The following PAK3 variants were observed in gnomAD, a reference collection of about 807,000 sequenced individuals.
The protein encoded by PAK3 is p21 (RAC1) activated kinase 3.
In PAK3, 4 loss-of-function variants were observed where a neutral mutation model predicts 41.0. The ratio of observed to expected loss-of-function variants is 0.10; its 90% confidence interval spans 0.05 to 0.22. The LOEUF is 0.22. Ranked by LOEUF, PAK3 falls within the 10% of genes least tolerant of loss-of-function variation. PAK3 has a pLI of 1.00. For synonymous variants in PAK3, 146 were observed against 139.6 expected (o/e 1.05, Z -0.32); for missense variants, 205 against 409.9 (o/e 0.50, Z 4.32).
At chrX:110,958,969 C>T (rs2090923506) in intron 1 of PAK3, among the ~76,000 whole-genome samples, 2 of 112,155 alleles carry the variant, frequency 1.8e-5, no homozygotes, top group Admixed American at 9.4e-5. Flanking sequence ...GTGACGCACT[C>T]AATGATATAT....
At chrX:111,084,535 T>A (rs1362014396) in intron 1 of PAK3, among the ~76,000 whole-genome samples, 8 of 112,607 alleles carry the variant, frequency 7.1e-5, no homozygotes, top group African/African-American at 2.6e-4. Flanking sequence ...ATTTTCATAT[T>A]CCACCCTCAG....
chrX:111,216,295 C>A, intron 16 of PAK3, 126 bp from the exon 17 acceptor site: 1 of 517,416 alleles, frequency 1.9e-6, no homozygotes. Flanking sequence ...ATATATGTGT[C>A]ATTCTCTAAA....
chrX:111,202,816 CTT>C (rs916895404), intron 16 of PAK3, among the ~76,000 whole-genome samples: 2 of 112,040 alleles, frequency 1.8e-5, no homozygotes, highest in African/African-American at 6.5e-5. Flanking sequence ...CTACTAGACT[CTT>C]TGAAACACCT....
intron 1 of PAK3, among the ~76,000 whole-genome samples, chrX:111,072,660 T>C (rs2092754470): frequency 8.9e-6 from 1 of 112,377 alleles, no homozygotes; most frequent in Admixed American, 9.4e-5. Flanking sequence ...CTTGAGATAA[T>C]CTGCAGAAGG....
At chrX:111,198,337 C>T (rs2149338007) in intron 16 of PAK3, among the ~76,000 whole-genome samples, 1 of 112,589 alleles carries the variant, frequency 8.9e-6, no homozygotes, top group East Asian at 2.8e-4. Flanking sequence ...AAATGAAGTT[C>T]CATGTGTCAA....
intron 1 of PAK3, among the ~76,000 whole-genome samples, chrX:111,011,246 G>A (rs1438002067): frequency 2.7e-5 from 3 of 111,337 alleles, no homozygotes; most frequent in African/African-American, 6.5e-5. Context: ...CTGATTCCTC[G>A]AAATGAAGGC....
intron 1 of PAK3, among the ~76,000 whole-genome samples, chrX:111,064,669 A>G (rs762408274): frequency 3.6e-5 from 4 of 112,518 alleles, no homozygotes; most frequent in Non-Finnish European, 7.5e-5. Flanking sequence ...GTGTATATGT[A>G]TCACATTTTC....
At chrX:111,173,404 G>A (rs763631372) in intron 11 of PAK3, among the ~76,000 whole-genome samples, 137 of 111,176 alleles carry the variant, frequency 1.2e-3, no homozygotes, top group Non-Finnish European at 2.1e-3. Flanking sequence ...TCTAGCTTAC[G>A]TAAAAACCCC....
chrX:111,116,531 T>C (rs1304628907), intron 4 of PAK3, among the ~76,000 whole-genome samples: 2 of 112,132 alleles, frequency 1.8e-5, no homozygotes, highest in Non-Finnish European at 3.8e-5. Context: ...ATAACTATAC[T>C]TAAGAAAAAG....
intron 6 of PAK3, among the ~76,000 whole-genome samples, chrX:111,144,425 C>T (rs2093915974): frequency 1.8e-5 from 2 of 111,363 alleles, no homozygotes; most frequent in Admixed American, 9.6e-5. Context: ...CTTTTTTAAC[C>T]TGTGATTTAC....
At chrX:111,059,658 T>C (rs1049488888) in intron 1 of PAK3, among the ~76,000 whole-genome samples, 2 of 111,947 alleles carry the variant, frequency 1.8e-5, no homozygotes, top group Non-Finnish European at 3.8e-5. Flanking sequence ...TTGCACTCCT[T>C]TGCTTAAAGT....
intron 1 of PAK3, among the ~76,000 whole-genome samples, chrX:110,958,209 G>C (rs997337610): frequency 8.9e-6 from 1 of 112,184 alleles, no homozygotes; most frequent in Admixed American, 9.5e-5. Context: ...CCGGGAGAAA[G>C]TGATGCTCAA....
chrX:111,177,012 TACTTAA>T (rs2094413708), intron 11 of PAK3, among the ~76,000 whole-genome samples: 1 of 109,648 alleles, frequency 9.1e-6, no homozygotes, highest in Non-Finnish European at 1.9e-5. Context: ...ACTTTCTTTT[TACTTAA>T]ATGGCTTTCA....
chrX:111,068,647 C>T (rs1223995448), intron 1 of PAK3, among the ~76,000 whole-genome samples: 2 of 112,230 alleles, frequency 1.8e-5, no homozygotes, highest in Non-Finnish European at 3.8e-5. Flanking sequence ...AACACCTGGA[C>T]TTGATAGCTT....
At chrX:110,993,072 C>T (rs776305533) in intron 1 of PAK3, among the ~76,000 whole-genome samples, 9 of 111,602 alleles carry the variant, frequency 8.1e-5, no homozygotes, top group Admixed American at 7.6e-4. Flanking sequence ...GAACAGGAGA[C>T]GGCAGGAGTG....
At chrX:111,201,322 T>C (rs2094680886) in intron 16 of PAK3, among the ~76,000 whole-genome samples, 1 of 112,063 alleles carries the variant, frequency 8.9e-6, no homozygotes, top group African/African-American at 3.2e-5. Flanking sequence ...ATCTTTAAAA[T>C]GTAGTCGCTG....
At chrX:111,158,243 T>G (rs756388259) in intron 8 of PAK3, among the ~76,000 whole-genome samples, 1 of 112,136 alleles carries the variant, frequency 8.9e-6, no homozygotes, top group Non-Finnish European at 1.9e-5. Flanking sequence ...GGAAGGGGCT[T>G]GAAGCAAGTT....
intron 1 of PAK3, among the ~76,000 whole-genome samples, chrX:111,051,547 C>A (rs1405744227): frequency 8.9e-6 from 1 of 111,810 alleles, no homozygotes; most frequent in East Asian, 2.8e-4. Flanking sequence ...TTCTCCTGAG[C>A]TAATAATCTC....
intron 1 of PAK3, among the ~76,000 whole-genome samples, chrX:110,987,069 G>A (rs2091557344): frequency 8.9e-6 from 1 of 111,755 alleles, no homozygotes; most frequent in African/African-American, 3.3e-5. Flanking sequence ...GGCAAAGATT[G>A]GTCCAGTCCA....
Sources: gnomAD v4.1 joint callset for allele counts (sites outside exome capture counted in the v4.1 genomes callset) on GRCh38, gnomAD v4.1.1 for gene constraint, MANE v1.5 for transcripts, NCBI Gene and HGNC (gene_info 2026-07-23, HGNC 2026-07-21) for gene names.